The following TMEM170A variants were observed in gnomAD, a reference collection of about 807,000 sequenced individuals.
TMEM170A encodes transmembrane protein 170.
TMEM170A carries 18 observed loss-of-function variants against 12.8 expected under a neutral mutation model. The ratio of observed to expected loss-of-function variants is 1.41; its 90% CI spans 0.97 to 2.09. The LOEUF is 2.09. Among genes scored for constraint, TMEM170A ranks in the 30% most tolerant of loss-of-function variants. The pLI is 0.00. For missense variants in TMEM170A, 220 were observed against 179.9 expected, an observed-to-expected ratio of 1.22 and a Z score of -1.28; for synonymous variants, 107 against 76.2, an observed-to-expected ratio of 1.40 and a Z score of -2.11.
Position 75,446,505 on chromosome 16 carries a change from T to C in TMEM170A, c.*1053A>G, listed in dbSNP as rs1355638431. 2 of 152,204 alleles carry C rather than the reference T, an allele frequency of 1.3e-5. No homozygotes were observed. The highest frequency in any genetic ancestry group is 2.4e-5 in the African/African-American group (1 of 41,460). 9.4% of individuals were successfully genotyped at this position (152,204 alleles called of 1,614,324 possible). On this transcript the variant is annotated 3_prime_UTR_variant, in exon 3 of 3. Coordinates refer to ENST00000561878, the MANE Select transcript of TMEM170A (RefSeq NM_145254.3). Reference sequence around the variant, plus strand: ...GGGAGAGTGGGTACATATCTGAACATTAAACTTTAGGCACTTTCTGGGAGT... The same window carrying C: ...GGGAGAGTGGGTACATATCTGAACACTAAACTTTAGGCACTTTCTGGGAGT...
At chr16:75,451,561 A>G in intron 2 of TMEM170A, 108 bp downstream of exon 2, 1 of 1,235,738 alleles carries the variant, frequency 8.1e-7, no homozygotes, top group Non-Finnish European at 1.2e-6. Context: ...ACTTGCAGTT[A>G]AAAGGCACTC....
rs1253663461 is a variant in TMEM170A at position 75,446,246 on chromosome 16, T to C, written c.*1312A>G. On this transcript the variant is annotated 3_prime_UTR_variant, in exon 3 of 3. Coordinates refer to ENST00000561878, the MANE Select transcript of TMEM170A (RefSeq NM_145254.3). Reference sequence around the variant, plus strand: ...CTATTTTGCAGATAACCACCACCACTACCACCACACTGATTGTATTCCATA... The same window carrying C: ...CTATTTTGCAGATAACCACCACCACCACCACCACACTGATTGTATTCCATA... The C allele has an allele frequency of 6.6e-6, 1 of 151,314 alleles. No homozygotes were observed. The highest frequency in any genetic ancestry group is 1.5e-5 in the Non-Finnish European group (1 of 67,940). The allele number at this position is 151,314 out of a possible 1,614,324, so 9.4% of individuals were successfully genotyped here.
At position 75,447,323 on chromosome 16, in the gene TMEM170A, T is replaced by G; in HGVS notation, c.*235A>C. On this transcript the variant is annotated 3_prime_UTR_variant, in exon 3 of 3. Transcript: ENST00000561878. Reference sequence around the variant, plus strand: ...ACATGAAAACTGCTTAAATCAAATATCTACAAAAAAGAAAGCCAAAAGACT... The same window carrying G: ...ACATGAAAACTGCTTAAATCAAATAGCTACAAAAAAGAAAGCCAAAAGACT... The G allele has an allele frequency of 3.0e-6, 1 of 335,866 alleles. No individual in the cohort carries two copies. Among genetic ancestry groups the G allele is most frequent in the Non-Finnish European group, 5.2e-6 (1 of 191,494 alleles). The allele number at this position is 335,866 out of a possible 1,614,324, so 20.8% of individuals were successfully genotyped here. A position where few individuals can be genotyped will look rare whatever the true frequency, so the allele number is the denominator to read the frequency against.
chr16:75,450,092 C>T (rs929613272), intron 2 of TMEM170A, among the ~76,000 whole-genome samples: 5 of 151,454 alleles, frequency 3.3e-5, no homozygotes, highest in African/African-American at 1.2e-4. Context: ...AAGACAGGCC[C>T]TAGCAGCCAG....
At chr16:75,455,939 T>G (rs1321975807) in intron 1 of TMEM170A, among the ~76,000 whole-genome samples, 1 of 152,198 alleles carries the variant, frequency 6.6e-6, no homozygotes, top group Non-Finnish European at 1.5e-5. Context: ...GAAGCTTTAC[T>G]GAAGCTGTAT....
intron 1 of TMEM170A, among the ~76,000 whole-genome samples, chr16:75,457,343 G>A (rs2079817695): frequency 6.6e-6 from 1 of 152,218 alleles, no homozygotes; most frequent in African/African-American, 2.4e-5. Context: ...TGCCATCCAA[G>A]TGCTAAGGGC....
chr16:75,448,382 T>G lies in TMEM170A; in HGVS notation c.305-694A>C, dbSNP rs539746125. Reference sequence around the variant, plus strand: ...AAAACAAAACGAAAACCCCTGTATCTATGCAGATACCCATTTGAGTTACTA... The same window carrying G: ...AAAACAAAACGAAAACCCCTGTATCGATGCAGATACCCATTTGAGTTACTA... On this transcript the variant is annotated intron_variant, in intron 2 of 2. Transcript: ENST00000561878. 3.3e-5 allele frequency among the ~76,000 whole-genome samples: 5 copies of G among 152,366 alleles called. No individual in the cohort carries two copies. In the South Asian group the frequency reaches 1.0e-3, roughly 32 times the overall value.
intron 2 of TMEM170A, among the ~76,000 whole-genome samples, chr16:75,450,180 CAAAA>C (rs34044750): frequency 2.6e-5 from 3 of 116,264 alleles, no homozygotes; most frequent in East Asian, 2.6e-4. Context: ...CACTTTCTCT[CAAAA>C]AAAAAAAAAA....
chr16:75,448,426 C>T (rs1157545696), intron 2 of TMEM170A, among the ~76,000 whole-genome samples: 1 of 152,168 alleles, frequency 6.6e-6, no homozygotes, highest in African/African-American at 2.4e-5. Flanking sequence ...CAGCATTATA[C>T]CAAGGAAGTG....
chr16:75,458,150 T>C (rs942994041), intron 1 of TMEM170A: 6 of 152,264 alleles, frequency 3.9e-5, no homozygotes, highest in African/African-American at 1.4e-4. Context: ...AGTATTTATT[T>C]GTTCACTGCT....
At chr16:75,455,425 A>G (rs1353962202) in intron 1 of TMEM170A, among the ~76,000 whole-genome samples, 1 of 151,948 alleles carries the variant, frequency 6.6e-6, no homozygotes, top group Non-Finnish European at 1.5e-5. Flanking sequence ...CCACATTGTG[A>G]AGTAACAAAA....
Position 75,464,506 on chromosome 16 carries a change from G to T in TMEM170A, c.95C>A (p.Thr32Asn). The T allele has an allele frequency of 6.3e-7, 1 of 1,584,438 alleles. No homozygotes were observed. The highest frequency in any genetic ancestry group is 8.6e-7 in the Non-Finnish European group (1 of 1,168,066). Residue 32 changes from threonine (T) to asparagine (N), a missense_variant, in exon 1 of 3, where the codon ACC becomes AAC. Coordinates refer to ENST00000561878, the MANE Select transcript of TMEM170A (RefSeq NM_145254.3). ...LKVVPRVGNG[T>N]LCPNSTSLCS... Reference sequence around the variant, plus strand: ...GAGGGAAGTAGAGTTGGGGCACAGGGTCCCGTTGCCCACCCGCGGCACAAC... The same window carrying T: ...GAGGGAAGTAGAGTTGGGGCACAGGTTCCCGTTGCCCACCCGCGGCACAAC...
At chr16:75,462,927 A>G (rs1293086927) in intron 1 of TMEM170A, among the ~76,000 whole-genome samples, 1 of 152,222 alleles carries the variant, frequency 6.6e-6, no homozygotes, top group Non-Finnish European at 1.5e-5. Context: ...ACATGTTAAG[A>G]TTATCAGGCA....
intron 1 of TMEM170A, among the ~76,000 whole-genome samples, chr16:75,463,156 CTCTCAACTGTTT>C (rs2079937527): frequency 1.3e-5 from 2 of 152,302 alleles, no homozygotes; most frequent in South Asian, 4.1e-4. Flanking sequence ...TTATACTGTT[CTCTCAACTGTTT>C]GGCAGGCTTG....
chr16:75,449,173 G>C (rs766316500), intron 2 of TMEM170A, among the ~76,000 whole-genome samples: 1 of 152,132 alleles, frequency 6.6e-6, no homozygotes, highest in Non-Finnish European at 1.5e-5. Flanking sequence ...CTTTGTCATA[G>C]TGTGTTCATT....
intron 1 of TMEM170A, among the ~76,000 whole-genome samples, chr16:75,462,397 C>T (rs2079924224): frequency 6.6e-6 from 1 of 152,122 alleles, no homozygotes; most frequent in African/African-American, 2.4e-5. Flanking sequence ...TTAGTAGAGA[C>T]AAGGTTTTGC....
At position 75,443,298 on chromosome 16, in the gene TMEM170A, GA is replaced by G. The variant is rs1458649345; in HGVS notation, c.*4259del. The G allele has an allele frequency of 6.6e-6, 1 of 152,116 alleles. No individual in the cohort carries two copies. The highest frequency in any genetic ancestry group is 1.5e-5 in the Non-Finnish European group (1 of 68,024). The allele number at this position is 152,116 out of a possible 1,614,324, so 9.4% of individuals were successfully genotyped here. ...TACACTAGAATTAGAAATGTCAGTA[GA>G]AAAATAAAATTTAAATAATTTTCTA... On this transcript the variant is annotated 3_prime_UTR_variant, in exon 3 of 3. Coordinates refer to ENST00000561878, the MANE Select transcript of TMEM170A (RefSeq NM_145254.3).
chr16:75,461,132 C>T (rs950472682), intron 1 of TMEM170A, among the ~76,000 whole-genome samples: 3 of 152,172 alleles, frequency 2.0e-5, no homozygotes, highest in African/African-American at 4.8e-5. Context: ...CAGCTCACTG[C>T]AACCTCCCCC....
rs2079537927 is a variant in TMEM170A, at chr16:75,443,798, A to C, written c.*3760T>G. Reference sequence around the variant, plus strand: ...TTCACCTCAAAACCCCGTATTCAAGAATCAAGAAGGCCAAGCATGATGGCT... The same window carrying C: ...TTCACCTCAAAACCCCGTATTCAAGCATCAAGAAGGCCAAGCATGATGGCT... On this transcript the variant is annotated 3_prime_UTR_variant, in exon 3 of 3. Transcript: ENST00000561878. 6.6e-6 allele frequency: 1 copy of C among 152,134 alleles called. No individual in the cohort carries two copies. The highest frequency in any genetic ancestry group is 2.4e-5 in the African/African-American group (1 of 41,428). 9.4% of individuals were successfully genotyped at this position (152,134 alleles called of 1,614,324 possible).
Sources: gnomAD v4.1 joint callset for allele counts (sites outside exome capture counted in the v4.1 genomes callset) on GRCh38, gnomAD v4.1.1 for gene constraint, MANE v1.5 for transcripts, NCBI Gene and HGNC (gene_info 2026-07-23, HGNC 2026-07-21) for gene names.